Variants in CEP85L observed in about 807,000 individuals in gnomAD.
CEP85L encodes centrosomal protein of 85 kDa-like.
CEP85L carries 60 observed loss-of-function variants against 100.3 expected under a neutral mutation model. The observed-to-expected ratio is 0.60, with a 90% CI of 0.49 to 0.74. CEP85L has a LOEUF of 0.74. Among genes scored for constraint, CEP85L ranks in the 30% least tolerant of loss-of-function variants. CEP85L has a pLI of 0.00. For synonymous variants in CEP85L, 319 were observed against 322.7 expected (o/e 0.99, Z 0.12); for missense variants, 973 against 936.2 (o/e 1.04, Z -0.51).
chr6:118,588,728 A>C (rs899354785), intron 2 of CEP85L, among the ~76,000 whole-genome samples: 2 of 152,216 alleles, frequency 1.3e-5, no homozygotes, highest in Non-Finnish European at 2.9e-5. Context: ...TGTATAACTC[A>C]GTACTATAAC....
rs929424726 is a variant in CEP85L at position 118,499,878 on chromosome 6, C to T, written c.1258-8013G>A. The stretch of plus-strand genomic sequence containing the variant: ...GCTTTTCAACATCATACTGGAAGTG[C>T]TAACTAATGCAATAAGACAAAAAGA... On this transcript the variant is annotated intron_variant, in intron 5 of 12. Transcript: ENST00000368491. 3.3e-5 allele frequency among the ~76,000 whole-genome samples: 5 copies of T among 151,964 alleles called. No individual in the cohort carries two copies. The South Asian group carries it at 1.0e-3, about 32-fold the overall frequency.
At chr6:118,522,151 G>A (rs1440099288) in intron 4 of CEP85L, among the ~76,000 whole-genome samples, 6 of 151,964 alleles carry the variant, frequency 3.9e-5, no homozygotes, top group Admixed American at 6.5e-5. Context: ...ACCTGAGGTC[G>A]GGAGTTCGAG....
chr6:118,552,635 A>T lies in CEP85L; in HGVS notation c.1020+12894T>A, dbSNP rs1456214558. ...ATTTCCTTCTTCCACCTCAAAAAAA[A>T]AACCAGAATACCATCTTGAACTTGA... is the stretch of plus-strand genomic sequence containing the variant. On this transcript the variant is annotated intron_variant, in intron 3 of 12. Coordinates refer to ENST00000368491, the MANE Select transcript of CEP85L (RefSeq NM_001042475.3). 3.3e-5 allele frequency among the ~76,000 whole-genome samples: 5 copies of T among 152,238 alleles called. No individual in the cohort carries two copies. The East Asian group carries it at 9.6e-4, about 29-fold the overall frequency.
intron 2 of CEP85L, among the ~76,000 whole-genome samples, chr6:118,615,075 T>C (rs1772938263): frequency 6.6e-6 from 1 of 152,096 alleles, no homozygotes; most frequent in Admixed American, 6.5e-5. Flanking sequence ...TTAAAAACTA[T>C]ACAACGCTGA....
chr6:118,462,092 A>G lies in CEP85L; in HGVS notation c.*3313T>C, dbSNP rs1772263401. The G allele has an allele frequency of 6.6e-6, 1 of 152,048 alleles. No homozygotes were observed. Among genetic ancestry groups the G allele is most frequent in the South Asian group, 2.1e-4 (1 of 4,830 alleles). 9.4% of individuals were successfully genotyped at this position (152,048 alleles called of 1,614,324 possible). ...TTATAAGCTCCTTAGTATATCAGAA[A>G]TGTATGACATTCATTTTAGCAACAC... is the stretch of plus-strand genomic sequence containing the variant. On this transcript the variant is annotated 3_prime_UTR_variant, in exon 13 of 13. Transcript: ENST00000368491.
At chr6:118,697,088 C>T (rs1007811119) in intron 1 of CEP85L, among the ~76,000 whole-genome samples, 2 of 152,078 alleles carry the variant, frequency 1.3e-5, no homozygotes, top group African/African-American at 2.4e-5. Flanking sequence ...GTTGTATGGC[C>T]CTTTTTGAGG....
At chr6:118,561,447 T>C (rs1779217969) in intron 3 of CEP85L, among the ~76,000 whole-genome samples, 1 of 152,090 alleles carries the variant, frequency 6.6e-6, no homozygotes, top group South Asian at 2.1e-4. Context: ...ATAACTCAAA[T>C]TATAAAGTAG....
intron 2 of CEP85L, among the ~76,000 whole-genome samples, chr6:118,621,306 A>C (rs1049428031): frequency 6.6e-6 from 1 of 152,252 alleles, no homozygotes; most frequent in Non-Finnish European, 1.5e-5. Flanking sequence ...CCAACCCCTA[A>C]GCCCCGCTCT....
At chr6:118,536,228 A>C (rs1333270075) in intron 3 of CEP85L, among the ~76,000 whole-genome samples, 1 of 152,190 alleles carries the variant, frequency 6.6e-6, no homozygotes, top group Non-Finnish European at 1.5e-5. Context: ...ATGCTAAACA[A>C]AAGAATGCTA....
chr6:118,651,791 C>T, upstream of CEP85L: 1 of 986,130 alleles, frequency 1.0e-6, no homozygotes, highest in Non-Finnish European at 1.2e-6. Flanking sequence ...CGCCGCATCC[C>T]TCTGTCTCCA....
chr6:118,546,006 T>G (rs1778178664), intron 3 of CEP85L, among the ~76,000 whole-genome samples: 1 of 150,836 alleles, frequency 6.6e-6, no homozygotes, highest in Non-Finnish European at 1.5e-5. Flanking sequence ...CAAAAAAATT[T>G]TCTAGCCTCT....
intron 1 of CEP85L, chr6:118,646,959 T>G (rs928991257): frequency 1.0e-6 from 1 of 985,264 alleles, no homozygotes; most frequent in African/African-American, 1.7e-5. Flanking sequence ...AGCCAGGAAG[T>G]GATCAAATTC....
chr6:118,658,172 ACAAGT>A (rs1313041542), intron 1 of CEP85L, among the ~76,000 whole-genome samples: 1 of 152,214 alleles, frequency 6.6e-6, no homozygotes, highest in African/African-American at 2.4e-5. Flanking sequence ...AGAAAAACAG[ACAAGT>A]CTAACTACAA....
Position 118,590,097 on chromosome 6 carries a change from T to C in CEP85L, c.233-23781A>G, listed in dbSNP as rs143012324. On this transcript the variant is annotated intron_variant, in intron 2 of 12. Coordinates refer to ENST00000368491, the MANE Select transcript of CEP85L (RefSeq NM_001042475.3). ...CACACGTGGAATACCACTATAAATA[T>C]CTCCATCTGCTTTTCCCCATCGCTA... Among the ~76,000 whole-genome samples, 985 of 152,054 alleles carry C rather than the reference T, an allele frequency of 6.5e-3. 6 individuals are homozygous for C. The highest frequency in any genetic ancestry group is 0.011 in the Non-Finnish European group (742 of 67,978).
At chr6:118,520,068 A>G (rs981688886) in intron 4 of CEP85L, among the ~76,000 whole-genome samples, 2 of 152,214 alleles carry the variant, frequency 1.3e-5, no homozygotes, top group African/African-American at 4.8e-5. Context: ...AAAAAAGGCA[A>G]CTACGAAAAA....
At chr6:118,535,076 C>T (rs968856363) in intron 3 of CEP85L, among the ~76,000 whole-genome samples, 3 of 152,046 alleles carry the variant, frequency 2.0e-5, no homozygotes, top group South Asian at 2.1e-4. Flanking sequence ...ACTAAAAACA[C>T]GTCCACATAG....
Position 118,632,625 on chromosome 6 carries a change from T to C in CEP85L, c.74-14A>G. 2 of 1,602,272 alleles carry C rather than the reference T, an allele frequency of 1.2e-6. No homozygotes were observed. The highest frequency in any genetic ancestry group is 1.7e-6 in the Non-Finnish European group (2 of 1,176,048). ...AATAATCTGGGCCTAAAAAGGGAAA[T>C]ATGTAACAGTTAACACATATATCTG... is the stretch of plus-strand genomic sequence containing the variant. On this transcript the variant is annotated splice_polypyrimidine_tract_variant and intron_variant, in intron 1 of 12. Coordinates refer to ENST00000368491, the MANE Select transcript of CEP85L (RefSeq NM_001042475.3).
At chr6:118,705,071 T>A (rs1183247405) in intron 1 of CEP85L, among the ~76,000 whole-genome samples, 1 of 152,164 alleles carries the variant, frequency 6.6e-6, no homozygotes, top group Non-Finnish European at 1.5e-5. Flanking sequence ...GCTGTCCTGT[T>A]TTTCTTTGTT....
intron 4 of CEP85L, among the ~76,000 whole-genome samples, chr6:118,515,943 CCT>C (rs1776249235): frequency 6.6e-6 from 1 of 152,114 alleles, no homozygotes; most frequent in African/African-American, 2.4e-5. Context: ...TATTCCTCTC[CCT>C]GTGTCAGTGT....
Sources: gnomAD v4.1 joint callset for allele counts (sites outside exome capture counted in the v4.1 genomes callset) on GRCh38, gnomAD v4.1.1 for gene constraint, MANE v1.5 for transcripts, NCBI Gene and HGNC (gene_info 2026-07-23, HGNC 2026-07-21) for gene names.